GLIS3: variants seen among roughly 807,000 people sequenced by gnomAD.
GLIS3 encodes the protein zinc finger protein GLIS3.
In GLIS3, 53 loss-of-function variants were observed where a neutral mutation model predicts 78.6. The ratio of observed to expected loss-of-function variants is 0.67; its 90% CI spans 0.54 to 0.85. The LOEUF (loss-of-function observed/expected upper bound fraction) is 0.85. Ranked by LOEUF, GLIS3 falls within the 40% of genes least tolerant of loss-of-function variation. The pLI is 0.00. For missense variants in GLIS3, 1,703 were observed against 1,231.1 expected, an observed-to-expected ratio of 1.38 and a Z score of -5.74; for synonymous variants, 684 against 509.9, an observed-to-expected ratio of 1.34 and a Z score of -4.60.
chr9:4,015,273 C>T (rs2130082055), intron 4 of GLIS3, among the ~76,000 whole-genome samples: 1 of 152,176 alleles, frequency 6.6e-6, no homozygotes, highest in South Asian at 2.1e-4. Flanking sequence ...AGAGAATTGC[C>T]CAGGTAAAGA....
chr9:4,439,145 G>C, the GLIS3 span, among the ~76,000 whole-genome samples: 4 of 152,044 alleles, frequency 2.6e-5, no homozygotes, highest in Admixed American at 6.6e-5. Context: ...GCATTCTTCA[G>C]TACTACCTTC....
chr9:4,202,511 A>C (rs1206443955), intron 2 of GLIS3, among the ~76,000 whole-genome samples: 1 of 152,114 alleles, frequency 6.6e-6, no homozygotes, highest in African/African-American at 2.4e-5. Context: ...AAACAGCCAA[A>C]GCAATGCTAA....
intron 4 of GLIS3, chr9:4,054,449 G>A (rs1825972685): frequency 1.0e-6 from 1 of 985,388 alleles, no homozygotes; most frequent in Non-Finnish European, 1.2e-6. Context: ...AGTCACAGGA[G>A]GATGTGCTCT....
At chr9:4,190,616 T>C (rs1379899416) in intron 2 of GLIS3, among the ~76,000 whole-genome samples, 1 of 151,386 alleles carries the variant, frequency 6.6e-6, no homozygotes, top group Non-Finnish European at 1.5e-5. Flanking sequence ...CTGCAGGATA[T>C]TATCCAGGAG....
At chr9:3,860,273 A>C (rs1055482302) in intron 8 of GLIS3, among the ~76,000 whole-genome samples, 1 of 7,342 alleles carries the variant, frequency 1.4e-4, no homozygotes, top group Admixed American at 3.0e-3. Context: ...AGACTCTGTC[A>C]AAAAAAAAAA....
intron 2 of GLIS3, among the ~76,000 whole-genome samples, chr9:4,243,835 A>C (rs1823555275): frequency 6.6e-6 from 1 of 152,206 alleles, no homozygotes. Context: ...TTAGGAAGTA[A>C]ATCAAAATCC....
At chr9:3,842,139 C>A (rs4740738) in intron 9 of GLIS3, among the ~76,000 whole-genome samples, 14 of 152,138 alleles carry the variant, frequency 9.2e-5, no homozygotes, top group South Asian at 4.1e-4. Flanking sequence ...TTCAGCCTCC[C>A]CTGAAATCTG....
chr9:4,147,169 A>G (rs1190909147), intron 2 of GLIS3: 2 of 152,218 alleles, frequency 1.3e-5, no homozygotes, highest in Non-Finnish European at 2.9e-5. Context: ...ACGTCATACT[A>G]TATTTTAATT....
At chr9:3,846,203 G>T (rs188902670) in intron 9 of GLIS3, among the ~76,000 whole-genome samples, 1 of 152,252 alleles carries the variant, frequency 6.6e-6, no homozygotes, top group East Asian at 1.9e-4. Flanking sequence ...TTATGGTTCC[G>T]TACTTAACTT....
At chr9:4,292,864 G>A (rs1031310901) in intron 1 of GLIS3, among the ~76,000 whole-genome samples, 6 of 152,124 alleles carry the variant, frequency 3.9e-5, no homozygotes, top group African/African-American at 1.4e-4. Context: ...TTCTTAATAT[G>A]AGTTAGCCAT....
intron 4 of GLIS3, among the ~76,000 whole-genome samples, chr9:4,003,236 A>G (rs568583204): frequency 4.2e-4 from 64 of 152,236 alleles, no homozygotes; most frequent in African/African-American, 1.5e-3. Context: ...TTAACATACT[A>G]TCTTTCTCTG....
At chr9:4,368,270 A>G in the GLIS3 span, among the ~76,000 whole-genome samples, 1 of 152,166 alleles carries the variant, frequency 6.6e-6, no homozygotes. Flanking sequence ...TTTCTCAGCC[A>G]GAAGGCAATA....
chr9:4,077,017 C>G (rs941529618), intron 4 of GLIS3, among the ~76,000 whole-genome samples: 1 of 152,154 alleles, frequency 6.6e-6, no homozygotes, highest in African/African-American at 2.4e-5. Context: ...TGAGCTCAAG[C>G]CTCTGCACTC....
At chr9:4,051,361 T>A (rs1238063523) in intron 4 of GLIS3, among the ~76,000 whole-genome samples, 1 of 152,186 alleles carries the variant, frequency 6.6e-6, no homozygotes, top group Non-Finnish European at 1.5e-5. Context: ...AGACAGAAGC[T>A]ATCGGGAACA....
the GLIS3 span, among the ~76,000 whole-genome samples, chr9:4,449,391 G>A: frequency 2.0e-5 from 3 of 152,190 alleles, no homozygotes; most frequent in Non-Finnish European, 4.4e-5. Flanking sequence ...TCTGGTGGCA[G>A]GGCATAGTTG....
At chr9:4,159,181 A>C (rs910716124) in intron 2 of GLIS3, among the ~76,000 whole-genome samples, 1 of 152,124 alleles carries the variant, frequency 6.6e-6, no homozygotes, top group South Asian at 2.1e-4. Flanking sequence ...AATTTGCATC[A>C]CTAGTCCCCA....
chr9:4,162,157 G>A (rs184063034), intron 2 of GLIS3, among the ~76,000 whole-genome samples: 1 of 152,196 alleles, frequency 6.6e-6, no homozygotes, highest in East Asian at 1.9e-4. Flanking sequence ...GTCATGTGGT[G>A]CTCTCCCTGT....
At chr9:3,938,836 G>A (rs34435327) in intron 4 of GLIS3, among the ~76,000 whole-genome samples, 6,501 of 152,198 alleles carry the variant, frequency 0.043, 187 homozygotes, top group Non-Finnish European at 0.068. Context: ...GGAGTTAAGG[G>A]GCTCATTTCT....
At chr9:4,120,335 G>A (rs540998221) in intron 3 of GLIS3, among the ~76,000 whole-genome samples, 1 of 152,350 alleles carries the variant, frequency 6.6e-6, no homozygotes, top group African/African-American at 2.4e-5. Flanking sequence ...ATCGAGTGAA[G>A]TAATGTTTAC....
Sources: allele counts gnomAD v4.1 joint callset (sites outside exome capture counted in the v4.1 genomes callset), GRCh38; gene constraint gnomAD v4.1.1; transcripts MANE v1.5; gene names NCBI Gene and HGNC (gene_info 2026-07-23, HGNC 2026-07-21).